The following MZT1 variants were observed in gnomAD, a reference collection of about 807,000 sequenced individuals.
MZT1 encodes the protein mitotic spindle organizing protein 1.
In MZT1, 8 loss-of-function variants were observed where a neutral mutation model predicts 8.5. The ratio of observed to expected loss-of-function variants is 0.94; its 90% CI spans 0.55 to 1.70. MZT1 has a LOEUF of 1.70. Ranked by LOEUF, MZT1 falls within the 40% of genes most tolerant of loss-of-function variation. The pLI is 0.00. For synonymous variants in MZT1, 38 were observed against 42.0 expected, an observed-to-expected ratio of 0.90 and a Z score of 0.37; for missense variants, 93 against 108.6, an observed-to-expected ratio of 0.86 and a Z score of 0.64.
chr13:72,720,627 G>A (rs763337391), intron 1 of MZT1, among the ~76,000 whole-genome samples: 6 of 152,082 alleles, frequency 3.9e-5, no homozygotes, highest in East Asian at 1.9e-4. Flanking sequence ...AGTGGCTCAC[G>A]CCTGTAATCC....
In MZT1 at chr13:72,719,111, C is replaced by CAAAA; in HGVS notation, c.80-18_80-15dup. Reference sequence around the variant, plus strand: ...TCTCAAGCAGAACTGAAAAAAGATACAAAAAAAAAAAAAACTTAAGGCTTA... The same window carrying CAAAA: ...TCTCAAGCAGAACTGAAAAAAGATACAAAAAAAAAAAAAAAAAACTTAAGGCTTA... On this transcript the variant is annotated splice_polypyrimidine_tract_variant and intron_variant, in intron 1 of 2. Coordinates refer to ENST00000377818, the MANE Select transcript of MZT1 (RefSeq NM_001071775.3). The CAAAA allele has an allele frequency of 2.3e-5, 29 of 1,246,288 alleles. No homozygotes were observed. The highest frequency in any genetic ancestry group is 1.7e-4 in the South Asian group (8 of 46,162). 77.2% of individuals were successfully genotyped at this position (1,246,288 alleles called of 1,614,324 possible).
intron 1 of MZT1, among the ~76,000 whole-genome samples, chr13:72,724,205 TAAA>T (rs1324042003): frequency 2.6e-5 from 4 of 152,110 alleles, no homozygotes; most frequent in African/African-American, 9.7e-5. Flanking sequence ...AATAGGAACA[TAAA>T]AAAATCAAAC....
chr13:72,723,627 T>C (rs543393523), intron 1 of MZT1, among the ~76,000 whole-genome samples: 1 of 152,238 alleles, frequency 6.6e-6, no homozygotes, highest in Non-Finnish European at 1.5e-5. Flanking sequence ...TATCTCATTA[T>C]GTATGTGAAA....
At chr13:72,715,535 C>A (rs879549430) in intron 2 of MZT1, among the ~76,000 whole-genome samples, 6 of 152,142 alleles carry the variant, frequency 3.9e-5, no homozygotes, top group African/African-American at 1.4e-4. Context: ...GGATGTGCAT[C>A]CCCACCCAAA....
At chr13:72,724,771 G>A (rs2032629609) in intron 1 of MZT1, among the ~76,000 whole-genome samples, 1 of 108,906 alleles carries the variant, frequency 9.2e-6, no homozygotes, top group African/African-American at 3.1e-5. Context: ...GGTGCTACAG[G>A]CCGGGCACAG....
At chr13:72,721,916 C>T (rs1411425159) in intron 1 of MZT1, among the ~76,000 whole-genome samples, 1 of 152,226 alleles carries the variant, frequency 6.6e-6, no homozygotes, top group Non-Finnish European at 1.5e-5. Flanking sequence ...TGCTCTTCAG[C>T]TGTATCCAGC....
chr13:72,726,985 A>G (rs2032671935), intron 1 of MZT1, among the ~76,000 whole-genome samples: 1 of 152,238 alleles, frequency 6.6e-6, no homozygotes, highest in South Asian at 2.1e-4. Context: ...GGAAACTAGG[A>G]TAATTATGAC....
rs1314442239 is a variant in MZT1, at chr13:72,709,164, T to C, written c.*1158A>G. 3 of 152,016 alleles carry C rather than the reference T, an allele frequency of 2.0e-5. No homozygotes were observed. The highest frequency in any genetic ancestry group is 3.5e-3 in the Middle Eastern group (1 of 288). The allele number at this position is 152,016 out of a possible 1,614,324, so 9.4% of individuals were successfully genotyped here. A position where few individuals can be genotyped will look rare whatever the true frequency, so the allele number is the denominator to read the frequency against. ...AAACAATTCTGAAAAGCCATACTTA[T>C]AATCCTTGACATCAAGATGTTAAAA... On this transcript the variant is annotated 3_prime_UTR_variant, in exon 3 of 3. Transcript: ENST00000377818.
Position 72,710,278 on chromosome 13 carries a change from C to G in MZT1, c.*44G>C. 6.2e-7 allele frequency: 1 copy of G among 1,605,612 alleles called. No individual in the cohort carries two copies. Among genetic ancestry groups the G allele is most frequent in the Non-Finnish European group, 8.5e-7 (1 of 1,172,812 alleles). On this transcript the variant is annotated 3_prime_UTR_variant, in exon 3 of 3. Coordinates refer to ENST00000377818, the MANE Select transcript of MZT1 (RefSeq NM_001071775.3). ...TCAACTACAATGCAATCTTCAAACC[C>G]TCTTGCAGAGCTTGACATATCTCAT...
chr13:72,713,774 T>C (rs544475961), intron 2 of MZT1, among the ~76,000 whole-genome samples: 13 of 152,324 alleles, frequency 8.5e-5, no homozygotes, highest in Admixed American at 6.5e-4. Flanking sequence ...TTGAGTGTCA[T>C]GTTGGTACTC....
intron 1 of MZT1, among the ~76,000 whole-genome samples, chr13:72,719,927 C>T (rs886990050): frequency 3.1e-4 from 47 of 152,054 alleles, no homozygotes; most frequent in African/African-American, 1.1e-3. Flanking sequence ...AGATTGCTTC[C>T]CAGAGAGTAT....
Position 72,710,104 on chromosome 13 carries a change from A to C in MZT1, c.*218T>G. The stretch of plus-strand genomic sequence containing the variant: ...GCAATGCCAAAGCATTAGAGCTGTT[A>C]AAAAAAGTGAATAAGATGTGATGTA... On this transcript the variant is annotated 3_prime_UTR_variant, in exon 3 of 3. Coordinates refer to ENST00000377818, the MANE Select transcript of MZT1 (RefSeq NM_001071775.3). 1.8e-6 allele frequency: 1 copy of C among 540,580 alleles called. No homozygotes were observed. The highest frequency in any genetic ancestry group is 3.3e-6 in the Non-Finnish European group (1 of 302,844). The allele number at this position is 540,580 out of a possible 1,614,324, so 33.5% of individuals were successfully genotyped here.
At chr13:72,715,196 T>C (rs2032522986) in intron 2 of MZT1, among the ~76,000 whole-genome samples, 1 of 152,210 alleles carries the variant, frequency 6.6e-6, no homozygotes. Flanking sequence ...GGAGATTTTT[T>C]TGGAGCTTTA....
At chr13:72,718,566 C>T (rs1361723765) in intron 2 of MZT1, among the ~76,000 whole-genome samples, 1 of 152,054 alleles carries the variant, frequency 6.6e-6, no homozygotes, top group Non-Finnish European at 1.5e-5. Flanking sequence ...AGCTCCGCGC[C>T]TCCTGGGTTC....
At chr13:72,726,993 G>C (rs1566215860) in intron 1 of MZT1, among the ~76,000 whole-genome samples, 1 of 152,218 alleles carries the variant, frequency 6.6e-6, no homozygotes, top group Non-Finnish European at 1.5e-5. Flanking sequence ...GGATAATTAT[G>C]ACCAAAGGGG....
At chr13:72,721,779 C>A (rs1355639773) in intron 1 of MZT1, among the ~76,000 whole-genome samples, 1 of 152,196 alleles carries the variant, frequency 6.6e-6, no homozygotes, top group Non-Finnish European at 1.5e-5. Flanking sequence ...GTATGCTTTA[C>A]CTGAGTTTTC....
At chr13:72,723,884 T>C (rs1350081740) in intron 1 of MZT1, among the ~76,000 whole-genome samples, 1 of 152,164 alleles carries the variant, frequency 6.6e-6, no homozygotes, top group Non-Finnish European at 1.5e-5. Flanking sequence ...TGAAACAAAT[T>C]ACAAGGGCAT....
intron 1 of MZT1, among the ~76,000 whole-genome samples, chr13:72,724,009 G>C (rs2032615074): frequency 6.6e-6 from 1 of 152,026 alleles, no homozygotes; most frequent in African/African-American, 2.4e-5. Context: ...GAGGCAGGAG[G>C]AAGGGTGATG....
chr13:72,720,524 T>C (rs765216048), intron 1 of MZT1, among the ~76,000 whole-genome samples: 10 of 152,210 alleles, frequency 6.6e-5, no homozygotes, highest in Non-Finnish European at 1.2e-4. Context: ...AAAATTCTTA[T>C]AGTATTTATC....
Sources: allele counts gnomAD v4.1 joint callset (sites outside exome capture counted in the v4.1 genomes callset), GRCh38; gene constraint gnomAD v4.1.1; transcripts MANE v1.5; gene names NCBI Gene and HGNC (gene_info 2026-07-23, HGNC 2026-07-21).